The following COL6A3 variants were observed in gnomAD, a reference collection of about 807,000 sequenced individuals.
COL6A3 encodes the protein collagen type VI alpha 3 chain, also known as collagen alpha-3(VI) chain.
COL6A3 carries 137 observed loss-of-function variants against 274.1 expected under a neutral mutation model. The observed-to-expected ratio is 0.50, with a 90% CI of 0.44 to 0.58. COL6A3 has a LOEUF of 0.58. Ranked by LOEUF, COL6A3 falls within the 20% of genes least tolerant of loss-of-function variation. The pLI is 0.00. For missense variants in COL6A3, 3,950 were observed against 4,124.9 expected (o/e 0.96, Z 1.16); for synonymous variants, 1,650 against 1,650.6 (o/e 1.00, Z 0.01).
chr2:237,367,726 A>G (rs1346005929), intron 10 of COL6A3, among the ~76,000 whole-genome samples: 2 of 152,230 alleles, frequency 1.3e-5, no homozygotes, highest in African/African-American at 4.8e-5. Flanking sequence ...TGTGAGGTGC[A>G]AAGCAAGGAA....
At chr2:237,353,564 A>C (rs560239489) in intron 24 of COL6A3, among the ~76,000 whole-genome samples, 161 bp from the exon 25 acceptor site, 1 of 152,286 alleles carries the variant, frequency 6.6e-6, no homozygotes, top group African/African-American at 2.4e-5. Flanking sequence ...CCCAGGTGAG[A>C]CACTGAGCAC....
intron 41 of COL6A3, 124 bp downstream of exon 41, chr2:237,334,502 C>CTGT (rs111578971): frequency 0.083 from 86,713 of 1,042,232 alleles, 4,478 homozygotes; most frequent in Non-Finnish European, 0.096. Flanking sequence ...GTTGTTGTTG[C>CTGT]TGTTGTTGTT....
At chr2:237,365,611 G>T in intron 12 of COL6A3, 87 bp downstream of exon 12, 1 of 1,155,864 alleles carries the variant, frequency 8.7e-7, no homozygotes, top group Non-Finnish European at 1.3e-6. Context: ...ACATGAAGAG[G>T]ATTTAACTTG....
Position 237,358,512 on chromosome 2 carries a change from A to G in COL6A3, c.6471+9T>C, listed in dbSNP as rs368272393. The G allele has an allele frequency of 6.2e-7, 1 of 1,612,842 alleles. No individual in the cohort carries two copies. Among genetic ancestry groups the G allele is most frequent in the African/African-American group, 1.3e-5 (1 of 75,018 alleles). On this transcript the variant is annotated intron_variant, in intron 21 of 43. Coordinates refer to ENST00000295550, the MANE Select transcript of COL6A3 (RefSeq NM_004369.4). ...TCAGGTCTGAAATCGTCAATAAAGA[A>G]ATCTTTACCGGGTCCCCTCGAATCC...
At position 237,364,478 on chromosome 2, in the gene COL6A3, G is replaced by A. The variant is rs910176447; in HGVS notation, c.5839-50C>T. 1.9e-5 allele frequency: 27 copies of A among 1,392,282 alleles called. No individual in the cohort carries two copies. The highest frequency in any genetic ancestry group is 2.1e-5 in the Non-Finnish European group (21 of 979,546). 86.2% of individuals were successfully genotyped at this position (1,392,282 alleles called of 1,614,324 possible). On this transcript the variant is annotated intron_variant, in intron 12 of 43. Transcript: ENST00000295550. The surrounding 1 kb of genome is among the most constrained non-coding windows in gnomAD (Gnocchi z 4.6). Reference sequence around the variant, plus strand: ...CCCAGGAAAACTAAAAAGGAGTGTTGCAGACTGCTGATAGAAAACTGAGAG... The same window carrying A: ...CCCAGGAAAACTAAAAAGGAGTGTTACAGACTGCTGATAGAAAACTGAGAG...
chr2:237,350,526 A>G (rs183489277), intron 27 of COL6A3, among the ~76,000 whole-genome samples: 38 of 152,332 alleles, frequency 2.5e-4, no homozygotes, highest in African/African-American at 7.9e-4. Context: ...CTCTCCAGGC[A>G]GAGACCATCG....
At chr2:237,358,362 T>A (rs1424437404) in intron 21 of COL6A3, among the ~76,000 whole-genome samples, 159 bp downstream of exon 21, 3 of 152,068 alleles carry the variant, frequency 2.0e-5, no homozygotes, top group African/African-American at 7.2e-5. Context: ...AACCAACACA[T>A]CTCCCCAAAC....
Position 237,336,227 on chromosome 2 carries a change from G to T in COL6A3, c.8873C>A (p.Ala2958Asp), listed in dbSNP as rs1329231831. The T allele has an allele frequency of 3.1e-6, 5 of 1,613,876 alleles. No homozygotes were observed. Among genetic ancestry groups the T allele is most frequent in the Non-Finnish European group, 3.4e-6 (4 of 1,179,962 alleles). Residue 2958 changes from alanine (A) to aspartate (D), a missense_variant, in exon 40 of 44, where the codon GCT becomes GAT. Physicochemically the swap from Ala to Asp is moderately radical, Grantham distance 126. Around this residue, in one of 5 missense-constraint regions of COL6A3, gnomAD observed 1,284 missense variants for 1,349.7 expected, o/e 0.95. Transcript: ENST00000295550. ...CTTGGTCGCCACTGGTTTTGCAGCAGCAGCAGCGGGGGGTCTTACAGCTGC... is the reference window on the plus strand; with the variant it reads ...CTTGGTCGCCACTGGTTTTGCAGCATCAGCAGCGGGGGGTCTTACAGCTGC... The part of the protein sequence containing the change: ...KPAAVRPPAA[A>D]AAKPVATKPE...
At chr2:237,380,820 C>G (rs1430175402) in intron 5 of COL6A3, 95 bp downstream of exon 5, 15 of 1,162,010 alleles carry the variant, frequency 1.3e-5, no homozygotes, top group Non-Finnish European at 1.8e-5. Context: ...TTTGTTGTCT[C>G]TTAGCTAAAC....
At chr2:237,409,764 G>A (rs967571724) in intron 1 of COL6A3, among the ~76,000 whole-genome samples, 8 of 152,120 alleles carry the variant, frequency 5.3e-5, no homozygotes, top group African/African-American at 1.4e-4. Context: ...GACATGTCAC[G>A]AGCACCCTTA....
chr2:237,402,308 C>T lies in COL6A3; in HGVS notation c.-30-5461G>A, dbSNP rs535349136. 2.4e-4 allele frequency among the ~76,000 whole-genome samples: 36 copies of T among 152,230 alleles called. 1 individual carries two copies. Among genetic ancestry groups the T allele is most frequent in the African/African-American group, 8.7e-4 (36 of 41,566 alleles). On this transcript the variant is annotated intron_variant, in intron 1 of 43. Transcript: ENST00000295550. Reference sequence around the variant, plus strand: ...AAAAAGTTATAGATATTTGTTGTAGCACAAGGTGCGTATAGTTAACACTGC... The same window carrying T: ...AAAAAGTTATAGATATTTGTTGTAGTACAAGGTGCGTATAGTTAACACTGC...
rs1480447833 is a variant in COL6A3, at chr2:237,334,783, G to T, written c.9072C>A (p.Val3024=). 1 of 1,614,068 alleles carries T rather than the reference G, an allele frequency of 6.2e-7. No homozygotes were observed. The highest frequency in any genetic ancestry group is 2.2e-5 in the East Asian group (1 of 44,888). ...CCAGGGACTGATCATGGGCTGAGGT[G>T]ACGGTGAGGTCATAAAAATAAGGAC... ...PPGPYFYDLT[V]TSAHDQSLVL... The change falls in exon 41 of 44, where the codon GTC becomes GTA. Residue 3024 remains valine (V), a synonymous_variant. Transcript: ENST00000295550.
rs775160702 is a variant in COL6A3, at chr2:237,324,850, G to A, written c.9494-36C>T. 39 of 1,609,084 alleles carry A rather than the reference G, an allele frequency of 2.4e-5. No individual in the cohort carries two copies. The East Asian group carries it at 8.2e-4, about 34-fold the overall frequency. On this transcript the variant is annotated intron_variant, in intron 43 of 43. Coordinates refer to ENST00000295550, the MANE Select transcript of COL6A3 (RefSeq NM_004369.4). ...AGAGAGGGGGTGGGTGGGGTGAGGT[G>A]AGGAGCCGAGAGAAGAGAGGAAAAG... is the stretch of plus-strand genomic sequence containing the variant.
At chr2:237,348,024 A>G (rs561586085) in intron 30 of COL6A3, among the ~76,000 whole-genome samples, 155 bp from the exon 31 acceptor site, 18 of 152,332 alleles carry the variant, frequency 1.2e-4, no homozygotes, top group Admixed American at 9.1e-4. Context: ...GGTTACTACT[A>G]TATTTGTGGT....
rs573312850 is a variant in COL6A3, at chr2:237,358,060, G to A, written c.6472-178C>T. On this transcript the variant is annotated intron_variant, in intron 21 of 43. Transcript: ENST00000295550. Reference sequence around the variant, plus strand: ...CAGGTCTTACGAAACCCAATCACGGGATCAGCAAAGCACTCTTAGCCCCAA... The same window carrying A: ...CAGGTCTTACGAAACCCAATCACGGAATCAGCAAAGCACTCTTAGCCCCAA... 2.0e-4 allele frequency among the ~76,000 whole-genome samples: 30 copies of A among 152,316 alleles called. 1 individual carries two copies. The South Asian group carries it at 5.6e-3, about 28-fold the overall frequency.
intron 3 of COL6A3, among the ~76,000 whole-genome samples, chr2:237,390,368 A>G (rs549327190): frequency 7.9e-5 from 12 of 152,326 alleles, no homozygotes; most frequent in African/African-American, 1.9e-4. Flanking sequence ...GAATAACAAC[A>G]TTATCCTCTT....
chr2:237,345,153 T>A, intron 33 of COL6A3, 28 bp downstream of exon 33: 4 of 1,614,208 alleles, frequency 2.5e-6, no homozygotes, highest in Non-Finnish European at 3.4e-6. Context: ...ATGAGGTTAA[T>A]GAGTCATTCT....
chr2:237,337,358 G>A (rs1700602392), intron 39 of COL6A3, among the ~76,000 whole-genome samples: 1 of 152,138 alleles, frequency 6.6e-6, no homozygotes. Context: ...TAGAAAAATG[G>A]AGGCTACAAA....
chr2:237,393,813 C>A (rs1011583461), intron 3 of COL6A3, among the ~76,000 whole-genome samples: 1 of 152,322 alleles, frequency 6.6e-6, no homozygotes, highest in Admixed American at 6.5e-5. Flanking sequence ...GGTTAAATAA[C>A]CTGTCGGCCA....
Sources: allele counts gnomAD v4.1 joint callset (sites outside exome capture counted in the v4.1 genomes callset), GRCh38; gene constraint gnomAD v4.1.1; regional missense constraint gnomAD v4.1.1; non-coding constraint Gnocchi (gnomAD v3.1); transcripts MANE v1.5; gene names NCBI Gene and HGNC (gene_info 2026-07-23, HGNC 2026-07-21).